The following NUP37 variants were observed in gnomAD, a reference collection of about 807,000 sequenced individuals.
NUP37 encodes the protein nucleoporin 37.
NUP37 carries 33 observed loss-of-function variants against 45.4 expected under a neutral mutation model. The ratio of observed to expected loss-of-function variants is 0.73; its 90% CI spans 0.55 to 0.97. The LOEUF is 0.97. Among genes scored for constraint, NUP37 ranks in the 50% least tolerant of loss-of-function variants. The pLI is 0.00. For synonymous variants in NUP37, 127 were observed against 130.7 expected (o/e 0.97, Z 0.19); for missense variants, 365 against 389.7 (o/e 0.94, Z 0.53).
chr12:102,119,320 T>C (rs373460025), intron 1 of NUP37: 1 of 152,176 alleles, frequency 6.6e-6, no homozygotes, highest in East Asian at 1.9e-4. Flanking sequence ...TGGAGCTTAA[T>C]ACCTAGGTGA....
At chr12:102,092,704 CCAAATCTAGAG>C (rs1339614038) in intron 5 of NUP37, among the ~76,000 whole-genome samples, 1 of 152,024 alleles carries the variant, frequency 6.6e-6, no homozygotes, top group Non-Finnish European at 1.5e-5. Flanking sequence ...AACTGAAAGC[CCAAATCTAGAG>C]ATTAGATGGA....
intron 7 of NUP37, chr12:102,077,049 C>G (rs986265517): frequency 1.6e-6 from 1 of 608,272 alleles, no homozygotes; most frequent in Non-Finnish European, 2.9e-6. Context: ...CATCATGCAA[C>G]AGGGTCAGTG....
chr12:102,075,163 GCTTTTT>G (rs144377635), intron 8 of NUP37, 69 bp from the exon 9 acceptor site: 16,808 of 997,532 alleles, frequency 0.017, 259 homozygotes, highest in African/African-American at 0.044. Flanking sequence ...TCTGAAGCGG[GCTTTTT>G]CTTTTTCTTT....
intron 6 of NUP37, among the ~76,000 whole-genome samples, chr12:102,078,352 T>A (rs1879239976): frequency 6.6e-6 from 1 of 151,618 alleles, no homozygotes. Flanking sequence ...GATTTTGAGA[T>A]TTGGTAGAAT....
intron 3 of NUP37, among the ~76,000 whole-genome samples, chr12:102,108,423 C>G (rs561869706): frequency 1.3e-5 from 2 of 152,304 alleles, no homozygotes; most frequent in African/African-American, 4.8e-5. Flanking sequence ...TTGAAGGCTG[C>G]AATGTTGGCT....
At chr12:102,089,954 C>T (rs377500463) in intron 5 of NUP37, among the ~76,000 whole-genome samples, 36 of 152,224 alleles carry the variant, frequency 2.4e-4, no homozygotes, top group African/African-American at 6.7e-4. Flanking sequence ...TACCCACATA[C>T]GATCACATAC....
intron 8 of NUP37, 136 bp downstream of exon 8, chr12:102,076,661 A>T (rs1879176653): frequency 1.6e-6 from 1 of 641,338 alleles, no homozygotes; most frequent in Non-Finnish European, 2.7e-6. Flanking sequence ...TTAGTCGGGA[A>T]AGTAAAATAA....
intron 2 of NUP37, among the ~76,000 whole-genome samples, chr12:102,116,500 A>G (rs1880466950): frequency 6.6e-6 from 1 of 152,164 alleles, no homozygotes; most frequent in African/African-American, 2.4e-5. Flanking sequence ...CTAGGGTCAT[A>G]TTTAGTCTAA....
At chr12:102,087,548 A>G (rs1296979865) in intron 5 of NUP37, among the ~76,000 whole-genome samples, 1 of 152,242 alleles carries the variant, frequency 6.6e-6, no homozygotes, top group Non-Finnish European at 1.5e-5. Context: ...GCAGGGGTTT[A>G]TGCAACTGTG....
intron 1 of NUP37, among the ~76,000 whole-genome samples, chr12:102,118,823 T>C (rs1037472958): frequency 1.3e-5 from 2 of 152,266 alleles, no homozygotes; most frequent in African/African-American, 2.4e-5. Context: ...TGCAAAGTTC[T>C]GTTTAGATTA....
chr12:102,093,093 T>C (rs1169950684), intron 5 of NUP37, among the ~76,000 whole-genome samples: 1 of 152,068 alleles, frequency 6.6e-6, no homozygotes, highest in Admixed American at 6.5e-5. Flanking sequence ...GGCTTATTAT[T>C]TTACTCTTCA....
chr12:102,076,453 C>T (rs765230174), intron 8 of NUP37, among the ~76,000 whole-genome samples: 1 of 152,102 alleles, frequency 6.6e-6, no homozygotes, highest in Non-Finnish European at 1.5e-5. Context: ...TCATTTAACA[C>T]ATAATAATAA....
chr12:102,085,962 C>A, intron 5 of NUP37, 106 bp from the exon 6 acceptor site: 1 of 516,760 alleles, frequency 1.9e-6, no homozygotes, highest in Non-Finnish European at 3.5e-6. Context: ...GATTATAAGA[C>A]AGACATTTGT....
chr12:102,086,593 T>A (rs1565830236), intron 5 of NUP37, among the ~76,000 whole-genome samples: 1 of 152,224 alleles, frequency 6.6e-6, no homozygotes, highest in Non-Finnish European at 1.5e-5. Flanking sequence ...TCAATTGCTT[T>A]ACCATTGCAG....
chr12:102,097,262 G>C (rs1471353751), intron 5 of NUP37, among the ~76,000 whole-genome samples: 4 of 152,088 alleles, frequency 2.6e-5, no homozygotes, highest in African/African-American at 9.7e-5. Context: ...GAAGGTGAAA[G>C]GAAAGCAAAT....
At chr12:102,112,577 G>C (rs1880347712) in intron 2 of NUP37, among the ~76,000 whole-genome samples, 1 of 152,150 alleles carries the variant, frequency 6.6e-6, no homozygotes, top group African/African-American at 2.4e-5. Context: ...TGGAAGGATT[G>C]CTTGAGCTCT....
At chr12:102,074,973 C>G (rs145843606) in intron 9 of NUP37, 28 bp downstream of exon 9, 2 of 1,339,796 alleles carry the variant, frequency 1.5e-6, no homozygotes, top group Admixed American at 4.6e-5. Flanking sequence ...AAAAAAAGCA[C>G]GTATGTTACA....
chr12:102,092,998 C>T (rs957889407), intron 5 of NUP37, among the ~76,000 whole-genome samples: 1 of 151,904 alleles, frequency 6.6e-6, no homozygotes, highest in African/African-American at 2.4e-5. Context: ...AATGTACTAG[C>T]AGTACTAATG....
Position 102,085,768 on chromosome 12 carries a change from T to A in NUP37, c.538A>T (p.Lys180Ter). 1 of 1,509,460 alleles carries A rather than the reference T, an allele frequency of 6.6e-7. No individual in the cohort carries two copies. The highest frequency in any genetic ancestry group is 9.1e-7 in the Non-Finnish European group (1 of 1,094,226). The allele number at this position is 1,509,460 out of a possible 1,614,324, so 93.5% of individuals were successfully genotyped here. A position where few individuals can be genotyped will look rare whatever the true frequency, so the allele number is the denominator to read the frequency against. The change falls in exon 6 of 10, where the codon AAG becomes TAG. Residue 180 changes from lysine to a stop codon, truncating the protein, a stop_gained and splice_region_variant. Coordinates refer to ENST00000552283, the MANE Select transcript of NUP37 (RefSeq NM_024057.4). LOFTEE classifies it high-confidence loss of function. ...SVCWHPEETF[K>*]LMVAEKNGTI... Reference sequence around the variant, plus strand: ...AGAGTTAAATTATAAATAATAACCTTAAAAGTCTCCTCAGGATGCCAGCAC... The same window carrying A: ...AGAGTTAAATTATAAATAATAACCTAAAAAGTCTCCTCAGGATGCCAGCAC...
Sources: allele counts gnomAD v4.1 joint callset (sites outside exome capture counted in the v4.1 genomes callset), GRCh38; gene constraint gnomAD v4.1.1; transcripts MANE v1.5; gene names NCBI Gene and HGNC (gene_info 2026-07-23, HGNC 2026-07-21).